The following DPY19L4 variants were observed in gnomAD, a reference collection of about 807,000 sequenced individuals.
DPY19L4 encodes probable C-mannosyltransferase DPY19L4.
In DPY19L4, 97 loss-of-function variants were observed where a neutral mutation model predicts 102.8. The ratio of observed to expected loss-of-function variants is 0.94; its 90% CI spans 0.80 to 1.12. The LOEUF is 1.12. Ranked by LOEUF, DPY19L4 falls within the 50% of genes most tolerant of loss-of-function variation. The pLI, the probability that DPY19L4 is intolerant of heterozygous loss-of-function variation, is 0.00. For synonymous variants in DPY19L4, 252 were observed against 283.1 expected, an observed-to-expected ratio of 0.89 and a Z score of 1.10; for missense variants, 815 against 850.4, an observed-to-expected ratio of 0.96 and a Z score of 0.52.
At chr8:94,731,775 G>A (rs902300096) in intron 2 of DPY19L4, among the ~76,000 whole-genome samples, 18 of 151,984 alleles carry the variant, frequency 1.2e-4, no homozygotes, top group East Asian at 5.8e-4. Flanking sequence ...GTTTTGAGAC[G>A]GAGTCTCGCT....
intron 3 of DPY19L4, 92 bp downstream of exon 3, chr8:94,734,846 T>C: frequency 1.3e-6 from 2 of 1,546,600 alleles, no homozygotes; most frequent in South Asian, 2.4e-5. Context: ...GTCTTATTTA[T>C]GGCTATTAGG....
rs1196767463 is a variant in DPY19L4 at position 94,739,846 on chromosome 8, A to G, written c.611+56A>G. ...AACTTTTTGTGGCTGTAGTAGTCAG[A>G]GTTCTGAAAATGCCTCCCCTCCCCA... On this transcript the variant is annotated intron_variant, in intron 6 of 18. Coordinates refer to ENST00000414645, the MANE Select transcript of DPY19L4 (RefSeq NM_181787.3). 12 of 1,584,648 alleles carry G rather than the reference A, an allele frequency of 7.6e-6. No homozygotes were observed. In the East Asian group the frequency reaches 1.3e-4, roughly 18 times the overall value.
intron 15 of DPY19L4, 99 bp from the exon 16 acceptor site, chr8:94,780,985 A>T: frequency 1.1e-6 from 1 of 949,506 alleles, no homozygotes; most frequent in Non-Finnish European, 1.5e-6. Context: ...GCCTTAAGTT[A>T]GTCTGTTAGT....
In DPY19L4 at chr8:94,787,602, T is replaced by C. The variant is rs143567126; in HGVS notation, c.1849-292T>C. The stretch of plus-strand genomic sequence containing the variant: ...AAGGATATCAAGAGTTGATCCAATA[T>C]TAACATTTCAGAAAGACTGAAAAGC... On this transcript the variant is annotated intron_variant, in intron 17 of 18. Coordinates refer to ENST00000414645, the MANE Select transcript of DPY19L4 (RefSeq NM_181787.3). Among the ~76,000 whole-genome samples, 457 of 152,246 alleles carry C rather than the reference T, an allele frequency of 3.0e-3. 2 individuals are homozygous for C. The highest frequency in any genetic ancestry group is 0.01 in the African/African-American group (429 of 41,526).
At chr8:94,721,324 TAAG>T (rs1810453102) in intron 1 of DPY19L4, among the ~76,000 whole-genome samples, 1 of 152,320 alleles carries the variant, frequency 6.6e-6, no homozygotes, top group Non-Finnish European at 1.5e-5. Context: ...AAATTAAGCA[TAAG>T]AAGTGTTTAC....
intron 12 of DPY19L4, among the ~76,000 whole-genome samples, chr8:94,770,107 G>A (rs933436197): frequency 2.0e-5 from 3 of 151,908 alleles, no homozygotes; most frequent in Non-Finnish European, 2.9e-5. Context: ...GGCTGGTCTC[G>A]AACTCTTGAC....
chr8:94,723,121 T>C (rs1413029664), intron 1 of DPY19L4, among the ~76,000 whole-genome samples: 1 of 152,222 alleles, frequency 6.6e-6, no homozygotes, highest in East Asian at 1.9e-4. Flanking sequence ...CTTTTGTGGA[T>C]GTGTAATCAT....
intron 6 of DPY19L4, among the ~76,000 whole-genome samples, 189 bp from the exon 7 acceptor site, chr8:94,755,847 T>C (rs1812138286): frequency 6.6e-6 from 1 of 151,118 alleles, no homozygotes; most frequent in Non-Finnish European, 1.5e-5. Context: ...ATCGTGCCAC[T>C]GCACTCCAGC....
In DPY19L4 at chr8:94,770,552, C is replaced by T. The variant is rs1812881821; in HGVS notation, c.1435C>T (p.Leu479Phe). The T allele has an allele frequency of 6.2e-7, 1 of 1,613,190 alleles. No individual in the cohort carries two copies. The highest frequency in any genetic ancestry group is 8.5e-7 in the Non-Finnish European group (1 of 1,179,760). ...AATTCACACTATTTTATTGGGTTCT[C>T]TTGCAATGGTTATAGAAGGGTAAGT... ...HVIHTILLGS[L>F]AMVIEGLKYI... Residue 479 changes from leucine (L) to phenylalanine (F), a missense_variant, in exon 13 of 19, where the codon CTT becomes TTT. Physicochemically the swap from Leu to Phe is conservative, Grantham distance 22. Coordinates refer to ENST00000414645, the MANE Select transcript of DPY19L4 (RefSeq NM_181787.3).
At chr8:94,721,180 A>T (rs914333878) in intron 1 of DPY19L4, among the ~76,000 whole-genome samples, 2 of 152,220 alleles carry the variant, frequency 1.3e-5, no homozygotes, top group African/African-American at 4.8e-5. Flanking sequence ...TTCTGACCTC[A>T]GGTGATCCGC....
intron 2 of DPY19L4, among the ~76,000 whole-genome samples, chr8:94,734,279 T>C (rs1473220520): frequency 6.6e-6 from 1 of 152,070 alleles, no homozygotes; most frequent in Non-Finnish European, 1.5e-5. Flanking sequence ...ACTCCTGACC[T>C]CAAGTGATCT....
Position 94,728,323 on chromosome 8 carries a change from G to T in DPY19L4, c.127+1882G>T, listed in dbSNP as rs554165664. Among the ~76,000 whole-genome samples, 61 of 152,348 alleles carry T rather than the reference G, an allele frequency of 4.0e-4. 1 individual carries two copies. The highest frequency in any genetic ancestry group is 2.3e-3 in the Admixed American group (35 of 15,304). On this transcript the variant is annotated intron_variant, in intron 2 of 18. Transcript: ENST00000414645. The stretch of plus-strand genomic sequence containing the variant: ...GGGACAGGATATCCCCTTACTCTGG[G>T]ATAAGGAATCTGTTGTGTTTATGCC...
intron 9 of DPY19L4, 114 bp downstream of exon 9, chr8:94,765,428 C>T (rs994641674): frequency 3.2e-5 from 33 of 1,021,406 alleles, no homozygotes; most frequent in African/African-American, 6.6e-5. Context: ...CTCTGCCTCC[C>T]GGGTTCAAGT....
chr8:94,722,317 G>T (rs1810498451), intron 1 of DPY19L4, among the ~76,000 whole-genome samples: 2 of 151,452 alleles, frequency 1.3e-5, no homozygotes, highest in African/African-American at 4.9e-5. Context: ...TGAGGCAAGA[G>T]AATCGATGGA....
intron 2 of DPY19L4, among the ~76,000 whole-genome samples, chr8:94,730,106 A>C (rs1242254764): frequency 6.6e-6 from 1 of 151,186 alleles, no homozygotes. Flanking sequence ...TGAATCCTGC[A>C]TTTTTTTCTC....
chr8:94,735,401 C>A lies in DPY19L4; in HGVS notation c.252+647C>A, dbSNP rs75859192. ...TTTAAAGCAATTGGTTTAATTAACA[C>A]CATCAAGACATTTAACTGAGTAATT... On this transcript the variant is annotated intron_variant, in intron 3 of 18. Transcript: ENST00000414645. 7.3e-3 allele frequency among the ~76,000 whole-genome samples: 1,109 copies of A among 152,286 alleles called. 30 individuals carry two copies. The highest frequency in any genetic ancestry group is 0.041 in the Admixed American group (626 of 15,288).
chr8:94,778,180 A>G (rs1193764381), intron 14 of DPY19L4, among the ~76,000 whole-genome samples: 1 of 152,152 alleles, frequency 6.6e-6, no homozygotes, highest in African/African-American at 2.4e-5. Context: ...GGTTGCAGTG[A>G]GCCAAAATCT....
chr8:94,760,057 G>GA (rs1317138993), intron 7 of DPY19L4, among the ~76,000 whole-genome samples: 1 of 152,176 alleles, frequency 6.6e-6, no homozygotes, highest in Non-Finnish European at 1.5e-5. Flanking sequence ...GGTCAGGGTA[G>GA]GCAAGACTGC....
intron 3 of DPY19L4, among the ~76,000 whole-genome samples, chr8:94,737,089 A>T (rs1811218208): frequency 6.6e-6 from 1 of 152,224 alleles, no homozygotes; most frequent in South Asian, 2.1e-4. Context: ...AATTAAAGAA[A>T]ATTCAAACAT....
Sources: allele counts gnomAD v4.1 joint callset (sites outside exome capture counted in the v4.1 genomes callset), GRCh38; gene constraint gnomAD v4.1.1; transcripts MANE v1.5; gene names NCBI Gene and HGNC (gene_info 2026-07-23, HGNC 2026-07-21).